Variants in GIMAP6 observed in about 807,000 individuals in gnomAD.
GIMAP6 encodes the protein GTPase, IMAP family member 6.
A neutral mutation model predicts 9.3 loss-of-function variants in GIMAP6; 6 were observed. The observed-to-expected ratio is 0.65, with a 90% confidence interval of 0.35 to 1.27. The LOEUF is 1.27. GIMAP6 is among the 50% of genes most tolerant of loss of function. The probability of loss-of-function intolerance (pLI) is 0.03; values close to 1 mark genes in which losing one functional copy is unlikely to be tolerated. For synonymous variants in GIMAP6, 156 were observed against 151.1 expected (o/e 1.03, Z -0.24); for missense variants, 333 against 359.5 (o/e 0.93, Z 0.60).
rs58764098 is a variant in GIMAP6 at position 150,630,146 on chromosome 7, CAA to C, written c.1-6_1-5del. 264,497 of 917,534 alleles carry C rather than the reference CAA, an allele frequency of 0.29. 7,421 individuals carry two copies. Among genetic ancestry groups the C allele is most frequent in the East Asian group, 0.32 (9,004 of 28,004 alleles). 56.8% of individuals were successfully genotyped at this position (917,534 alleles called of 1,614,324 possible). A position where few individuals can be genotyped will look rare whatever the true frequency, so the allele number is the denominator to read the frequency against. On this transcript the variant is annotated splice_polypyrimidine_tract_variant and splice_region_variant and intron_variant, in intron 1 of 2. Transcript: ENST00000328902. ...GTTCATATTCTTCTTCCTCCATCTA[CAA>C]AAAAAAAAAAAAAAAAAAAATCATA...
In GIMAP6 at chr7:150,628,253, G is replaced by A. The variant is rs1182481622; in HGVS notation, c.345C>T (p.Ala115=). 1 of 1,614,186 alleles carries A rather than the reference G, an allele frequency of 6.2e-7. No homozygotes were observed. The highest frequency in any genetic ancestry group is 8.5e-7 in the Non-Finnish European group (1 of 1,180,002). ...SPEVADAICQ[A]IVLSAPGPHA... ...GGGGCCCTGGGGCGGATAAGACGAT[G>A]GCTTGGCAGATAGCGTCTGCCACCT... Residue 115 remains alanine (A), a synonymous_variant, in exon 3 of 3, where the codon GCC becomes GCT. Coordinates refer to ENST00000328902, the MANE Select transcript of GIMAP6 (RefSeq NM_024711.6).
intron 2 of GIMAP6, 83 bp downstream of exon 2, chr7:150,629,975 C>T: frequency 1.1e-6 from 1 of 937,220 alleles, no homozygotes; most frequent in Non-Finnish European, 1.6e-6. Context: ...AGCTTCCTCT[C>T]CAAGCACACT....
At position 150,628,040 on chromosome 7, in the gene GIMAP6, G is replaced by A. The variant is rs1796325893; in HGVS notation, c.558C>T (p.Ala186=). The change falls in exon 3 of 3, where the codon GCC becomes GCT. Residue 186 remains alanine, a synonymous_variant. Coordinates refer to ENST00000328902, the MANE Select transcript of GIMAP6 (RefSeq NM_024711.6). ...GCCGTGCAAGGGTCACATCCAGCCA[G>A]GCAAGGGCCTGGTTGTTGGTCTCTC... ...YVRETNNQAL[A]WLDVTLARRH... is the part of the protein sequence containing the mutation. 1.9e-6 allele frequency: 3 copies of A among 1,614,262 alleles called. No homozygotes were observed. Among genetic ancestry groups the A allele is most frequent in the Non-Finnish European group, 2.5e-6 (3 of 1,180,036 alleles).
intron 2 of GIMAP6, among the ~76,000 whole-genome samples, 161 bp downstream of exon 2, chr7:150,629,894 TAAG>T (rs1796361815): frequency 1.3e-5 from 2 of 152,200 alleles, no homozygotes; most frequent in African/African-American, 4.8e-5. Context: ...TGGCTAGTGA[TAAG>T]AAGGGCCCTA....
chr7:150,628,139 C>T lies in GIMAP6; in HGVS notation c.459G>A (p.Gly153=). The change falls in exon 3 of 3, where the codon GGG becomes GGA. Residue 153 remains glycine (G), a synonymous_variant. Coordinates refer to ENST00000328902, the MANE Select transcript of GIMAP6 (RefSeq NM_024711.6). ...ACACCAGGATGGTGTGACCCAGAAC[C>T]CCCACTCCAAAGACCTCCTGCAGGC... ...VRRLQEVFGV[G]VLGHTILVFT... The T allele has an allele frequency of 1.9e-6, 3 of 1,614,206 alleles. No homozygotes were observed. The highest frequency in any genetic ancestry group is 2.5e-6 in the Non-Finnish European group (3 of 1,180,030).
At position 150,625,680 on chromosome 7, in the gene GIMAP6, C is replaced by T. The variant is rs542658554; in HGVS notation, c.*2039G>A. ...CCTCAAACTTAACATAAATGTAAGA[C>T]ATTGCCAACTAGAATACCAATATGA... On this transcript the variant is annotated 3_prime_UTR_variant, in exon 3 of 3. Transcript: ENST00000328902. 4 of 152,200 alleles carry T rather than the reference C, an allele frequency of 2.6e-5. No individual in the cohort carries two copies. In the East Asian group the frequency reaches 7.7e-4, roughly 29 times the overall value. 9.4% of individuals were successfully genotyped at this position (152,200 alleles called of 1,614,324 possible). A position where few individuals can be genotyped will look rare whatever the true frequency, so the allele number is the denominator to read the frequency against.
chr7:150,628,450 C>T lies in GIMAP6; in HGVS notation c.148G>A (p.Gly50Arg). 6.2e-7 allele frequency: 1 copy of T among 1,614,188 alleles called. No individual in the cohort carries two copies. Among genetic ancestry groups the T allele is most frequent in the South Asian group, 1.1e-5 (1 of 91,080 alleles). ...TTTCCTGTTGCACTCTTCCCACTCC[C>T]TGTTTTCCCCATGAGAATGAGCCTC... is the stretch of plus-strand genomic sequence containing the variant. ...RLRLILMGKT[G>R]SGKSATGNSI... Residue 50 changes from glycine (G) to arginine (R), a missense_variant, in exon 3 of 3, where the codon GGG becomes AGG. By Grantham distance (125) the Gly-to-Arg change is moderately radical (BLOSUM62 -2). Coordinates refer to ENST00000328902, the MANE Select transcript of GIMAP6 (RefSeq NM_024711.6).
At chr7:150,630,522 G>C (rs1434890526) in intron 1 of GIMAP6, among the ~76,000 whole-genome samples, 1 of 152,208 alleles carries the variant, frequency 6.6e-6, no homozygotes, top group Non-Finnish European at 1.5e-5. Flanking sequence ...GGTGGAGGAA[G>C]GGAAGCACAG....
In GIMAP6 at chr7:150,627,389, G is replaced by T. The variant is rs1376647237; in HGVS notation, c.*330C>A. 3.6e-5 allele frequency: 14 copies of T among 389,556 alleles called. No individual in the cohort carries two copies. In the East Asian group the frequency reaches 6.8e-4, roughly 19 times the overall value. 24.1% of individuals were successfully genotyped at this position (389,556 alleles called of 1,614,324 possible). ...AGTTACACAGAAGTAAAAGATACAG[G>T]CCTGCCCTCAAGAAACTTTGGTTCT... On this transcript the variant is annotated 3_prime_UTR_variant, in exon 3 of 3. Coordinates refer to ENST00000328902, the MANE Select transcript of GIMAP6 (RefSeq NM_024711.6).
At chr7:150,629,095 G>A (rs1309536099) in intron 2 of GIMAP6, among the ~76,000 whole-genome samples, 2 of 152,174 alleles carry the variant, frequency 1.3e-5, no homozygotes, top group Non-Finnish European at 2.9e-5. Context: ...TGGCTGGAAG[G>A]AATTTGAATG....
At chr7:150,631,396 G>A (rs1037127768) in intron 1 of GIMAP6, among the ~76,000 whole-genome samples, 6 of 152,158 alleles carry the variant, frequency 3.9e-5, no homozygotes, top group African/African-American at 1.4e-4. Flanking sequence ...GCCAGATTCT[G>A]GAAGGAGTAC....
At chr7:150,629,965 A>C in intron 2 of GIMAP6, 93 bp downstream of exon 2, 1 of 856,754 alleles carries the variant, frequency 1.2e-6, no homozygotes. Flanking sequence ...GGGGGACGTC[A>C]GCTTCCTCTC....
intron 1 of GIMAP6, among the ~76,000 whole-genome samples, chr7:150,630,796 G>T (rs747389447): frequency 7.2e-5 from 11 of 152,220 alleles, no homozygotes; most frequent in Admixed American, 3.9e-4. Flanking sequence ...AGAATGTTGG[G>T]CCTGAACTAG....
chr7:150,629,830 T>C (rs949267680), intron 2 of GIMAP6, among the ~76,000 whole-genome samples: 1 of 152,184 alleles, frequency 6.6e-6, no homozygotes, highest in Non-Finnish European at 1.5e-5. Context: ...ATTGGTGCTA[T>C]TTCTCGCCTC....
intron 1 of GIMAP6, among the ~76,000 whole-genome samples, chr7:150,631,501 G>A (rs1240145084): frequency 6.6e-6 from 1 of 152,196 alleles, no homozygotes; most frequent in Non-Finnish European, 1.5e-5. Context: ...TGGAAATTGA[G>A]GCAGCACTTT....
At chr7:150,630,894 G>A (rs1045835166) in intron 1 of GIMAP6, among the ~76,000 whole-genome samples, 2 of 152,042 alleles carry the variant, frequency 1.3e-5, no homozygotes, top group Admixed American at 1.3e-4. Context: ...TTGCAAATTA[G>A]GGCCACATCA....
chr7:150,628,183 C>T lies in GIMAP6; in HGVS notation c.415G>A (p.Asp139Asn), dbSNP rs773075886. The change falls in exon 3 of 3, where the codon GAT (aspartate) becomes AAT (asparagine). Residue 139 changes from aspartate (D) to asparagine (N), a missense_variant. By Grantham distance (23) the Asp-to-Asn change is conservative. Transcript: ENST00000328902. Reference sequence around the variant, plus strand: ...TGCAGGCGCCTGACCACCTGCTGATCCTCATCCGTGAACCGGCCCAGTTGT... The same window carrying T: ...TGCAGGCGCCTGACCACCTGCTGATTCTCATCCGTGAACCGGCCCAGTTGT... ...VTQLGRFTDE[D>N]QQVVRRLQEV... is the part of the protein sequence containing the mutation. The T allele has an allele frequency of 1.2e-5, 19 of 1,614,216 alleles. No homozygotes were observed. The highest frequency in any genetic ancestry group is 1.5e-5 in the Non-Finnish European group (18 of 1,180,022).
In GIMAP6 at chr7:150,627,981, T is replaced by C. The variant is rs1258395343; in HGVS notation, c.617A>G (p.Glu206Gly). 1 of 1,614,214 alleles carries C rather than the reference T, an allele frequency of 6.2e-7. No individual in the cohort carries two copies. Among genetic ancestry groups the C allele is most frequent in the Admixed American group, 1.7e-5 (1 of 60,038 alleles). The part of the protein sequence containing the change: ...HCGFNNRAQG[E>G]EQEAQLRELM... ...CTCTCGCAGTTGGGCCTCCTGCTCC[T>C]CCCCCTGTGCCCTGTTGTTGAAGCC... Residue 206 changes from glutamate to glycine, a missense_variant, in exon 3 of 3, where the codon GAG becomes GGG. Transcript: ENST00000328902.
At chr7:150,628,821 TCTC>T in intron 2 of GIMAP6, 1 of 1,224,426 alleles carries the variant, frequency 8.2e-7, no homozygotes, top group Non-Finnish European at 1.1e-6. Flanking sequence ...GGAATTCCCT[TCTC>T]CTGGCCTTGC....
Sources: allele counts gnomAD v4.1 joint callset (sites outside exome capture counted in the v4.1 genomes callset), GRCh38; gene constraint gnomAD v4.1.1; transcripts MANE v1.5; gene names NCBI Gene and HGNC (gene_info 2026-07-23, HGNC 2026-07-21).